Variants in PLCE1 observed in about 807,000 individuals in gnomAD.
PLCE1 encodes the protein 1-phosphatidylinositol 4,5-bisphosphate phosphodiesterase epsilon-1.
In PLCE1, 119 loss-of-function variants were observed where a neutral mutation model predicts 242.8. The ratio of observed to expected loss-of-function variants is 0.49; its 90% CI spans 0.42 to 0.57. The LOEUF is 0.57. PLCE1 is among the 20% of genes least tolerant of loss of function. The pLI, the probability that PLCE1 is intolerant of heterozygous loss-of-function variation, is 0.00. For synonymous variants in PLCE1, 945 were observed against 1,017.4 expected, an observed-to-expected ratio of 0.93 and a Z score of 1.35; for missense variants, 2,441 against 2,788.8, an observed-to-expected ratio of 0.88 and a Z score of 2.81.
At chr10:94,186,490 T>C (rs554238841) in intron 4 of PLCE1, among the ~76,000 whole-genome samples, 4 of 152,396 alleles carry the variant, frequency 2.6e-5, no homozygotes, top group Admixed American at 2.0e-4. Context: ...AATTCAGCTC[T>C]GTATTGAATT....
intron 2 of PLCE1, among the ~76,000 whole-genome samples, chr10:94,082,893 C>T (rs577292373): frequency 1.3e-5 from 2 of 152,274 alleles, no homozygotes; most frequent in African/African-American, 4.8e-5. Context: ...CAATGGCAAA[C>T]ATTTGAACAA....
At chr10:94,317,182 G>A (rs1284502427) in intron 29 of PLCE1, among the ~76,000 whole-genome samples, 5 of 152,186 alleles carry the variant, frequency 3.3e-5, no homozygotes, top group Admixed American at 6.5e-5. Flanking sequence ...TTGAACCCAG[G>A]AGGCAGAGGT....
intron 2 of PLCE1, among the ~76,000 whole-genome samples, chr10:94,059,030 A>G (rs115866572): frequency 0.011 from 1,696 of 152,282 alleles, 35 homozygotes; most frequent in African/African-American, 0.038. Context: ...AGTCAGGTGT[A>G]TGTTCCTATA....
chr10:94,161,641 C>A (rs1029102833), intron 3 of PLCE1, among the ~76,000 whole-genome samples: 2 of 152,134 alleles, frequency 1.3e-5, no homozygotes, highest in Admixed American at 6.6e-5. Context: ...ACTGAATACC[C>A]TTTATTTCCT....
chr10:94,280,091 C>A (rs994496943), intron 20 of PLCE1, 180 bp downstream of exon 20: 10 of 649,064 alleles, frequency 1.5e-5, no homozygotes, highest in Middle Eastern at 8.5e-4. Context: ...ATTCTGTTAG[C>A]CAACACTTAC....
rs559082071 is a variant in PLCE1 at position 94,079,728 on chromosome 10, G to A, written c.1206+47476G>A. Among the ~76,000 whole-genome samples, 11 of 152,276 alleles carry A rather than the reference G, an allele frequency of 7.2e-5. No individual in the cohort carries two copies. In the South Asian group the frequency reaches 2.1e-3, roughly 29 times the overall value. On this transcript the variant is annotated intron_variant, in intron 2 of 32. Transcript: ENST00000371380. ...AAGCCAACTGGAATTTCTGACTTCTGAATTTTTTTATGTGACAGGCTTAGC... is the reference window on the plus strand; with the variant it reads ...AAGCCAACTGGAATTTCTGACTTCTAAATTTTTTTATGTGACAGGCTTAGC...
chr10:94,016,419 T>A (rs914403981), intron 1 of PLCE1, among the ~76,000 whole-genome samples: 1 of 152,108 alleles, frequency 6.6e-6, no homozygotes, highest in African/African-American at 2.4e-5. Flanking sequence ...ATACCTTATA[T>A]GTATAGCTTA....
chr10:94,085,651 A>G (rs1212597333), intron 2 of PLCE1, among the ~76,000 whole-genome samples: 1 of 152,202 alleles, frequency 6.6e-6, no homozygotes, highest in Non-Finnish European at 1.5e-5. Context: ...GGCTGGCACT[A>G]AAGGGGGAAC....
At chr10:94,258,990 A>C in intron 12 of PLCE1, 24 bp from the exon 13 acceptor site, 1 of 1,613,978 alleles carries the variant, frequency 6.2e-7, no homozygotes, top group South Asian at 1.1e-5. Flanking sequence ...ACTCAATGAG[A>C]GGTGTTTTCC....
chr10:94,211,235 G>A (rs1313046928), intron 4 of PLCE1, among the ~76,000 whole-genome samples: 2 of 152,130 alleles, frequency 1.3e-5, no homozygotes, highest in African/African-American at 2.4e-5. Flanking sequence ...AGCTCTCCTC[G>A]TCCTCCTTAT....
At chr10:94,250,108 G>A (rs190900290) in intron 8 of PLCE1, among the ~76,000 whole-genome samples, 250 of 149,382 alleles carry the variant, frequency 1.7e-3, no homozygotes, top group African/African-American at 5.8e-3. Context: ...CTCCAGCCTG[G>A]GCAAGAGTGC....
chr10:94,164,796 C>T (rs899786815), intron 3 of PLCE1, among the ~76,000 whole-genome samples: 6 of 152,124 alleles, frequency 3.9e-5, no homozygotes, highest in Admixed American at 2.0e-4. Flanking sequence ...GATGATGTGA[C>T]GTACAGATGG....
chr10:94,110,135 T>G (rs1309263508), intron 2 of PLCE1, among the ~76,000 whole-genome samples: 5 of 140,574 alleles, frequency 3.6e-5, no homozygotes, highest in Admixed American at 3.1e-4. Flanking sequence ...CGATCTCTGC[T>G]CACTGCAAGG....
intron 4 of PLCE1, among the ~76,000 whole-genome samples, chr10:94,222,440 C>A (rs2049786079): frequency 6.6e-6 from 1 of 152,186 alleles, no homozygotes; most frequent in South Asian, 2.1e-4. Context: ...CTGCTGCTTA[C>A]CCGTGAGCAT....
intron 2 of PLCE1, chr10:94,120,904 C>G (rs2046279896): frequency 6.6e-6 from 1 of 152,218 alleles, no homozygotes. Flanking sequence ...GTGGTGAGGG[C>G]TAAGAAATCT....
intron 2 of PLCE1, among the ~76,000 whole-genome samples, chr10:94,087,614 T>C (rs2044880855): frequency 6.6e-6 from 1 of 151,938 alleles, no homozygotes; most frequent in Non-Finnish European, 1.5e-5. Flanking sequence ...TTTTAATGTT[T>C]GTAGAGGTGG....
At chr10:94,008,191 C>CAAAAA (rs745999207) in intron 1 of PLCE1, among the ~76,000 whole-genome samples, 1 of 55,230 alleles carries the variant, frequency 1.8e-5, no homozygotes, top group Non-Finnish European at 3.6e-5. Flanking sequence ...GACCTTGTCT[C>CAAAAA]AAAAAAAAAA....
chr10:94,324,871 G>A, intron 31 of PLCE1, 21 bp from the exon 32 acceptor site: 1 of 1,611,842 alleles, frequency 6.2e-7, no homozygotes, highest in South Asian at 1.1e-5. Context: ...AACACCAATG[G>A]AAGGTTCTTT....
chr10:94,133,861 A>T (rs2046684207), intron 3 of PLCE1, among the ~76,000 whole-genome samples: 1 of 152,106 alleles, frequency 6.6e-6, no homozygotes, highest in African/African-American at 2.4e-5. Flanking sequence ...TGGAATTTAT[A>T]GTCTCTAGGT....
Sources: gnomAD v4.1 joint callset for allele counts (sites outside exome capture counted in the v4.1 genomes callset) on GRCh38, gnomAD v4.1.1 for gene constraint, MANE v1.5 for transcripts, NCBI Gene and HGNC (gene_info 2026-07-23, HGNC 2026-07-21) for gene names.